Variants in CD226 observed in about 807,000 individuals in gnomAD.
The protein encoded by CD226 is CD226 molecule.
CD226 carries 24 observed loss-of-function variants against 34.9 expected under a neutral mutation model. The observed-to-expected ratio is 0.69, with a 90% confidence interval of 0.50 to 0.97. The LOEUF (loss-of-function observed/expected upper bound fraction) is 0.97, where lower values mean the gene tolerates loss of function less well. Among genes scored for constraint, CD226 ranks in the 50% least tolerant of loss-of-function variants. The pLI is 0.00. For missense variants in CD226, 397 were observed against 412.7 expected, an observed-to-expected ratio of 0.96 and a Z score of 0.33; for synonymous variants, 148 against 147.4, an observed-to-expected ratio of 1.00 and a Z score of -0.03.
chr18:69,900,456 G>T (rs1215043510), intron 2 of CD226, among the ~76,000 whole-genome samples: 1 of 152,128 alleles, frequency 6.6e-6, no homozygotes, highest in Admixed American at 6.5e-5. Flanking sequence ...TTTCTGGCCG[G>T]GCGCGGTGGC....
At chr18:69,950,853 A>T (rs1048480184), upstream of CD226, among the ~76,000 whole-genome samples, 4 of 152,086 alleles carry the variant, frequency 2.6e-5, no homozygotes, top group African/African-American at 7.2e-5. Context: ...ACTGACCATC[A>T]CCCATTTCAC....
At chr18:69,929,842 C>A (rs17081848) in intron 2 of CD226, among the ~76,000 whole-genome samples, 5,278 of 152,262 alleles carry the variant, frequency 0.035, 323 homozygotes, top group African/African-American at 0.12. Flanking sequence ...CTATTTCACA[C>A]GCAACATCGA....
chr18:69,884,476 C>T (rs1231538370), intron 3 of CD226, among the ~76,000 whole-genome samples: 1 of 152,258 alleles, frequency 6.6e-6, no homozygotes, highest in African/African-American at 2.4e-5. Flanking sequence ...AGTTCTGTCT[C>T]TGTCTCTTTG....
At chr18:69,917,486 C>G (rs943311832) in intron 2 of CD226, among the ~76,000 whole-genome samples, 2 of 152,314 alleles carry the variant, frequency 1.3e-5, no homozygotes, top group South Asian at 2.1e-4. Context: ...ACACACCCCC[C>G]CAACACATGC....
chr18:69,930,361 G>A (rs1484774742), intron 2 of CD226, among the ~76,000 whole-genome samples: 1 of 152,140 alleles, frequency 6.6e-6, no homozygotes, highest in Non-Finnish European at 1.5e-5. Flanking sequence ...GAGAAAGACT[G>A]GGAGCAGGAC....
chr18:69,862,279 A>G lies in CD226; in HGVS notation c.*2035T>C, dbSNP rs1262166736. The G allele has an allele frequency of 6.6e-6, 1 of 152,170 alleles. No homozygotes were observed. The highest frequency in any genetic ancestry group is 1.5e-5 in the Non-Finnish European group (1 of 67,990). 9.4% of individuals were successfully genotyped at this position (152,170 alleles called of 1,614,324 possible). On this transcript the variant is annotated 3_prime_UTR_variant, in exon 6 of 6. Coordinates refer to ENST00000582621, the MANE Select transcript of CD226 (RefSeq NM_001303618.2). The stretch of plus-strand genomic sequence containing the variant: ...TGCTCACATACACTAATCATTGAGA[A>G]TTTGGTTATTGGAGTTTTCCAGAAA...
chr18:69,903,428 A>G (rs901767107), intron 2 of CD226, among the ~76,000 whole-genome samples: 2 of 152,168 alleles, frequency 1.3e-5, no homozygotes, highest in African/African-American at 4.8e-5. Flanking sequence ...GCATTTCTCT[A>G]AAAAGCTGCA....
intron 5 of CD226, among the ~76,000 whole-genome samples, chr18:69,866,527 TA>T (rs1199670350): frequency 1.3e-5 from 2 of 152,206 alleles, no homozygotes; most frequent in Admixed American, 6.5e-5. Flanking sequence ...AAGTATACAC[TA>T]ATAACTTACC....
intron 2 of CD226, among the ~76,000 whole-genome samples, chr18:69,902,715 C>G (rs564212854): frequency 7.0e-4 from 106 of 151,956 alleles, no homozygotes; most frequent in Admixed American, 2.5e-3. Context: ...TCAGACCTCT[C>G]CCCAGGGTTT....
intron 1 of CD226, among the ~76,000 whole-genome samples, chr18:69,955,548 G>C (rs1472226925): frequency 6.6e-6 from 1 of 152,136 alleles, no homozygotes; most frequent in Non-Finnish European, 1.5e-5. Flanking sequence ...TGCCCCAGCT[G>C]TTAAGAGGCT....
rs1212108880 is a variant in CD226, at chr18:69,864,438, G to A, written c.887C>T (p.Ala296Val). Residue 296 changes from alanine (A) to valine (V), a missense_variant and splice_region_variant, in exon 6 of 6, where the codon GCA (alanine) becomes GTA (valine). Transcript: ENST00000582621. The stretch of plus-strand genomic sequence containing the variant: ...GATGGGACTTCTATAGTTATTGGGT[G>A]CCTAGAAAGACAAACAGCAGAGAGT... ...LFTESWDTQK[A>V]PNNYRSPIST... The A allele has an allele frequency of 5.6e-6, 9 of 1,612,140 alleles. No homozygotes were observed. In the Middle Eastern group the frequency reaches 5.0e-4, roughly 89 times the overall value.
At chr18:69,892,666 G>C (rs1263273548) in intron 3 of CD226, among the ~76,000 whole-genome samples, 1 of 152,156 alleles carries the variant, frequency 6.6e-6, no homozygotes, top group East Asian at 1.9e-4. Context: ...TTGACCTGCT[G>C]GTTGGCAGGG....
At chr18:69,916,061 A>T (rs1415782949) in intron 2 of CD226, among the ~76,000 whole-genome samples, 1 of 151,380 alleles carries the variant, frequency 6.6e-6, no homozygotes, top group East Asian at 1.9e-4. Flanking sequence ...CTGTCAATAG[A>T]TTCAATTGCA....
intron 2 of CD226, among the ~76,000 whole-genome samples, chr18:69,936,216 T>C (rs574204866): frequency 1.0e-5 from 1 of 95,524 alleles, no homozygotes; most frequent in Non-Finnish European, 2.5e-5. Context: ...TTTAGAGAGT[T>C]TTTAAACTTT....
chr18:69,921,874 GT>G (rs1024806820), intron 2 of CD226, among the ~76,000 whole-genome samples: 1 of 152,020 alleles, frequency 6.6e-6, no homozygotes, highest in South Asian at 2.1e-4. Context: ...GATTTTATGG[GT>G]TTTTTTAATT....
At chr18:69,886,551 C>G (rs565591466) in intron 3 of CD226, among the ~76,000 whole-genome samples, 1 of 151,854 alleles carries the variant, frequency 6.6e-6, no homozygotes, top group Non-Finnish European at 1.5e-5. Context: ...TCTAAAAATA[C>G]AAAAATTAGC....
At chr18:69,922,407 A>T (rs2055463475) in intron 2 of CD226, among the ~76,000 whole-genome samples, 1 of 152,114 alleles carries the variant, frequency 6.6e-6, no homozygotes, top group South Asian at 2.1e-4. Context: ...TCAGCCTCCC[A>T]AGTAGCTGGG....
In CD226 at chr18:69,926,097, T is replaced by C. The variant is rs565964827; in HGVS notation, c.382+20637A>G. On this transcript the variant is annotated intron_variant, in intron 2 of 5. Coordinates refer to ENST00000582621, the MANE Select transcript of CD226 (RefSeq NM_001303618.2). ...TGTGGAGGTCGCAGTGTGCCAAGAT[T>C]GCGCCACTGCACTCCAGACTGGGCG... 3.9e-5 allele frequency among the ~76,000 whole-genome samples: 6 copies of C among 152,050 alleles called. No individual in the cohort carries two copies. In the East Asian group the frequency reaches 7.8e-4, roughly 20 times the overall value.
At chr18:69,950,685 T>A (rs1447272719), upstream of CD226, among the ~76,000 whole-genome samples, 1 of 152,136 alleles carries the variant, frequency 6.6e-6, no homozygotes, top group African/African-American at 2.4e-5. Context: ...TCAATCATTG[T>A]AGCTGGATAC....
Sources: allele counts gnomAD v4.1 joint callset (sites outside exome capture counted in the v4.1 genomes callset), GRCh38; gene constraint gnomAD v4.1.1; transcripts MANE v1.5; gene names NCBI Gene and HGNC (gene_info 2026-07-23, HGNC 2026-07-21).